The following DNASE1 variants were observed in gnomAD, a reference collection of about 807,000 sequenced individuals.
The protein encoded by DNASE1 is deoxyribonuclease 1.
DNASE1 carries 40 observed loss-of-function variants against 33.9 expected under a neutral mutation model. That is an observed-to-expected ratio of 1.18 (90% CI 0.92 to 1.54). The LOEUF (loss-of-function observed/expected upper bound fraction) is 1.54. Ranked by LOEUF, DNASE1 falls within the 40% of genes most tolerant of loss-of-function variation. DNASE1 has a pLI of 0.00. For missense variants in DNASE1, 518 were observed against 372.6 expected, an observed-to-expected ratio of 1.39 and a Z score of -3.21; for synonymous variants, 216 against 160.0, an observed-to-expected ratio of 1.35 and a Z score of -2.64.
At chr16:3,651,009 C>A (rs2151204939), upstream of DNASE1, 1 of 152,340 alleles carries the variant, frequency 6.6e-6, no homozygotes, top group Non-Finnish European at 1.5e-5. Flanking sequence ...TCTGATGGTG[C>A]TCTGTGAGTT....
upstream of DNASE1, chr16:3,640,641 T>C (rs1331112438): frequency 2.0e-5 from 8 of 397,878 alleles, no homozygotes; most frequent in Non-Finnish European, 4.4e-6. Context: ...GTCAGGAGTT[T>C]GCTGAAGTTT....
rs755025011 is a variant in DNASE1, at chr16:3,657,122, C to T, written c.549+11C>T. 9 of 1,614,008 alleles carry T rather than the reference C, an allele frequency of 5.6e-6. No homozygotes were observed. Among genetic ancestry groups the T allele is most frequent in the Non-Finnish European group, 7.6e-6 (9 of 1,180,030 alleles). On this transcript the variant is annotated intron_variant, in intron 6 of 8. Transcript: ENST00000246949. Reference sequence around the variant, plus strand: ...AAATGGGGCTTGGAGGTGAGGCCCTCCCAGGGGCAGTGGGCACCAGCGGCC... The same window carrying T: ...AAATGGGGCTTGGAGGTGAGGCCCTTCCAGGGGCAGTGGGCACCAGCGGCC...
intron 1 of DNASE1, among the ~76,000 whole-genome samples, chr16:3,613,568 CTGGCT>C (rs1294376450): frequency 6.6e-6 from 1 of 152,180 alleles, no homozygotes; most frequent in Admixed American, 6.5e-5. Flanking sequence ...TACTTGCTCT[CTGGCT>C]TGGAAATCTA....
chr16:3,656,933 C>T (rs753324421), intron 5 of DNASE1, 66 bp from the exon 6 acceptor site: 11 of 1,582,320 alleles, frequency 7.0e-6, no homozygotes, highest in Non-Finnish European at 9.4e-6. Flanking sequence ...TACATAGTTC[C>T]AGCTGACATG....
downstream of DNASE1, chr16:3,662,990 G>T (rs986957662): frequency 1.9e-6 from 3 of 1,571,100 alleles, no homozygotes; most frequent in Admixed American, 1.8e-5. Context: ...AGGCGACAGG[G>T]AGCTCAGGCC....
At chr16:3,620,871 G>T (rs1395887692) in intron 1 of DNASE1, among the ~76,000 whole-genome samples, 1 of 152,026 alleles carries the variant, frequency 6.6e-6, no homozygotes, top group East Asian at 1.9e-4. Flanking sequence ...CGCAATGCCG[G>T]CTCACTGCAA....
At chr16:3,645,068 C>T (rs2042133163) in intron 1 of DNASE1, among the ~76,000 whole-genome samples, 1 of 151,932 alleles carries the variant, frequency 6.6e-6, no homozygotes, top group Non-Finnish European at 1.5e-5. Flanking sequence ...TGGGAGGCTC[C>T]AGTGAGCCAA....
At chr16:3,621,420 A>AT (rs926148117) in intron 1 of DNASE1, among the ~76,000 whole-genome samples, 6 of 151,934 alleles carry the variant, frequency 3.9e-5, no homozygotes, top group African/African-American at 1.2e-4. Context: ...TACATTGTTA[A>AT]TTTTTTTTGT....
At chr16:3,656,399 A>G (rs1439996794) in intron 4 of DNASE1, among the ~76,000 whole-genome samples, 1 of 131,246 alleles carries the variant, frequency 7.6e-6, no homozygotes, top group Non-Finnish European at 1.6e-5. Context: ...TCCCGGACCA[A>G]TGGGTTGAGC....
chr16:3,662,903 C>A, downstream of DNASE1: 2 of 1,613,524 alleles, frequency 1.2e-6, no homozygotes, highest in Non-Finnish European at 1.7e-6. Context: ...TGACACGCGA[C>A]CCCAGCACAT....
intron 1 of DNASE1, among the ~76,000 whole-genome samples, chr16:3,622,572 C>G (rs1303445900): frequency 6.6e-6 from 1 of 152,080 alleles, no homozygotes; most frequent in Non-Finnish European, 1.5e-5. Context: ...TATAGTGTTA[C>G]AATGTTACAG....
chr16:3,641,419 C>T (rs2042019184), upstream of DNASE1, among the ~76,000 whole-genome samples: 1 of 152,208 alleles, frequency 6.6e-6, no homozygotes, highest in Non-Finnish European at 1.5e-5. Context: ...TGCCCCCGCT[C>T]AAGGGCCCAG....
upstream of DNASE1, among the ~76,000 whole-genome samples, chr16:3,639,728 G>A (rs532059926): frequency 1.3e-5 from 2 of 152,128 alleles, no homozygotes; most frequent in East Asian, 1.9e-4. Flanking sequence ...TGATAGGCCC[G>A]GTTATTTTTT....
At chr16:3,619,822 T>C (rs1327331038) in intron 1 of DNASE1, among the ~76,000 whole-genome samples, 1 of 152,108 alleles carries the variant, frequency 6.6e-6, no homozygotes, top group African/African-American at 2.4e-5. Context: ...TCAGTATTTT[T>C]AAAAATTCTA....
intron 1 of DNASE1, among the ~76,000 whole-genome samples, chr16:3,625,133 C>T (rs558786954): frequency 2.0e-5 from 3 of 152,040 alleles, no homozygotes; most frequent in Non-Finnish European, 4.4e-5. Context: ...ATGGTGAAAC[C>T]CCGTCTCTAC....
intron 1 of DNASE1, among the ~76,000 whole-genome samples, chr16:3,633,370 G>A (rs1284766752): frequency 1.3e-5 from 2 of 152,158 alleles, no homozygotes; most frequent in African/African-American, 4.8e-5. Flanking sequence ...ACTTTGGGAG[G>A]CCAAGGTGGG....
chr16:3,664,361 G>C, exon 10 of DNASE1: 2 of 1,613,036 alleles, frequency 1.2e-6, no homozygotes, highest in Non-Finnish European at 1.7e-6. Flanking sequence ...AGATGTTGCG[G>C]GTGCCGGCCC....
intron 1 of DNASE1, among the ~76,000 whole-genome samples, chr16:3,630,220 A>T (rs894687286): frequency 3.3e-5 from 5 of 151,476 alleles, no homozygotes; most frequent in African/African-American, 4.9e-5. Flanking sequence ...TCACTTTGTT[A>T]CCCAGACTGG....
chr16:3,629,379 G>T (rs774916931), intron 1 of DNASE1, among the ~76,000 whole-genome samples: 3 of 152,038 alleles, frequency 2.0e-5, no homozygotes, highest in Non-Finnish European at 4.4e-5. Context: ...CATTAATGTG[G>T]TATGTTACAT....
Sources: allele counts gnomAD v4.1 joint callset (sites outside exome capture counted in the v4.1 genomes callset), GRCh38; gene constraint gnomAD v4.1.1; transcripts MANE v1.5; gene names NCBI Gene and HGNC (gene_info 2026-07-23, HGNC 2026-07-21).